PLEK: variants seen among roughly 807,000 people sequenced by gnomAD.
PLEK encodes pleckstrin.
PLEK carries 25 observed loss-of-function variants against 43.9 expected under a neutral mutation model. The observed-to-expected ratio is 0.57, with a 90% CI of 0.41 to 0.79. The LOEUF is 0.79. PLEK is among the 30% of genes least tolerant of loss of function. PLEK has a pLI of 0.00. For synonymous variants in PLEK, 152 were observed against 144.4 expected, an observed-to-expected ratio of 1.05 and a Z score of -0.38; for missense variants, 396 against 413.3, an observed-to-expected ratio of 0.96 and a Z score of 0.36.
At chr2:68,393,548 A>G (rs1195562624) in intron 7 of PLEK, among the ~76,000 whole-genome samples, 2 of 152,222 alleles carry the variant, frequency 1.3e-5, no homozygotes, top group Non-Finnish European at 2.9e-5. Flanking sequence ...AAATCAGTCC[A>G]TGGTTTAATA....
chr2:68,386,807 A>G (rs1260068885), intron 5 of PLEK, 121 bp downstream of exon 5: 2 of 696,960 alleles, frequency 2.9e-6, no homozygotes, highest in East Asian at 5.0e-5. Context: ...GAGGTCAGCC[A>G]GGAAGAACAA....
intron 1 of PLEK, among the ~76,000 whole-genome samples, chr2:68,374,268 A>C (rs4233945): frequency 0.52 from 79,428 of 151,320 alleles, 22,312 homozygotes; most frequent in East Asian, 0.76. Flanking sequence ...TAATAAAATG[A>C]CCTTATCTAA....
At chr2:68,371,238 C>T (rs1259909797) in intron 1 of PLEK, among the ~76,000 whole-genome samples, 2 of 152,188 alleles carry the variant, frequency 1.3e-5, no homozygotes, top group South Asian at 2.1e-4. Context: ...TACATTTTCT[C>T]CCTTAAGTTA....
intron 5 of PLEK, among the ~76,000 whole-genome samples, chr2:68,387,074 C>T (rs557388809): frequency 1.3e-5 from 2 of 152,108 alleles, no homozygotes; most frequent in South Asian, 2.1e-4. Context: ...GGTGTCATCT[C>T]GGCTCACTGC....
At chr2:68,383,973 G>A (rs978933393) in intron 4 of PLEK, among the ~76,000 whole-genome samples, 1 of 152,156 alleles carries the variant, frequency 6.6e-6, no homozygotes, top group South Asian at 2.1e-4. Context: ...GGTGGTATGA[G>A]AAAGTGACAA....
At position 68,380,775 on chromosome 2, in the gene PLEK, C is replaced by A; in HGVS notation, c.251C>A (p.Ala84Asp). The A allele has an allele frequency of 6.2e-7, 1 of 1,613,862 alleles. No homozygotes were observed. The highest frequency in any genetic ancestry group is 8.5e-7 in the Non-Finnish European group (1 of 1,179,756). The change falls in exon 3 of 9, where the codon GCC becomes GAC. Residue 84 changes from alanine (A) to aspartate (D), a missense_variant. Ala to Asp is a moderately radical substitution (Grantham distance 126, BLOSUM62 -2). Transcript: ENST00000234313. ...TKQQDHFFQA[A>D]FLEERDAWVR... Reference sequence around the variant, plus strand: ...CAGCAGGACCACTTCTTCCAGGCAGCCTTCCTGGAGGAGAGAGATGCCTGG... The same window carrying A: ...CAGCAGGACCACTTCTTCCAGGCAGACTTCCTGGAGGAGAGAGATGCCTGG...
chr2:68,384,494 T>A (rs760967197), intron 4 of PLEK, among the ~76,000 whole-genome samples: 16 of 152,142 alleles, frequency 1.1e-4, no homozygotes, highest in Non-Finnish European at 2.1e-4. Flanking sequence ...CAAAGTGGCC[T>A]GTAATCCCTA....
Position 68,392,955 on chromosome 2 carries a change from T to A in PLEK, c.763-207T>A, listed in dbSNP as rs79403013. 4.3e-3 allele frequency among the ~76,000 whole-genome samples: 656 copies of A among 152,334 alleles called. 7 individuals are homozygous for A. Among genetic ancestry groups the A allele is most frequent in the African/African-American group, 0.014 (590 of 41,576 alleles). ...AATTAGAAATAATTTAATCCACCTC[T>A]TCGATCTAATAACATCCATATTATT... On this transcript the variant is annotated intron_variant, in intron 6 of 8. Transcript: ENST00000234313.
At chr2:68,371,907 G>T (rs1673415972) in intron 1 of PLEK, among the ~76,000 whole-genome samples, 1 of 152,186 alleles carries the variant, frequency 6.6e-6, no homozygotes, top group African/African-American at 2.4e-5. Flanking sequence ...AAAGAGAAAG[G>T]CTGTATCTTA....
At chr2:68,394,969 A>G (rs1322155812) in intron 8 of PLEK, among the ~76,000 whole-genome samples, 1 of 151,668 alleles carries the variant, frequency 6.6e-6, no homozygotes, top group Non-Finnish European at 1.5e-5. Context: ...GCCCACCTCC[A>G]CTCCCACCAC....
In PLEK at chr2:68,380,422, G is replaced by C. The variant is rs780683282; in HGVS notation, c.137G>C (p.Gly46Ala). The C allele has an allele frequency of 5.0e-6, 8 of 1,613,918 alleles. No homozygotes were observed. The highest frequency in any genetic ancestry group is 5.9e-6 in the Non-Finnish European group (7 of 1,179,812). Residue 46 changes from glycine (G) to alanine (A), a missense_variant, in exon 2 of 9, where the codon GGA becomes GCA. Transcript: ENST00000234313. ...YKKKSDNSPKGMIPLKGSTLT... is the reference protein window; with the variant it reads ...YKKKSDNSPKAMIPLKGSTLT... ...AAGAAAAGTGACAACAGCCCCAAAG[G>C]AATGATCCCGCTGAAAGGGAGCACT... is the stretch of plus-strand genomic sequence containing the variant.
chr2:68,380,735 A>T lies in PLEK; in HGVS notation c.211A>T (p.Ile71Phe). The change falls in exon 3 of 9, where the codon ATC becomes TTC. Residue 71 changes from isoleucine to phenylalanine, a missense_variant. By Grantham distance (21) the Ile-to-Phe change is conservative (BLOSUM62 0). Coordinates refer to ENST00000234313, the MANE Select transcript of PLEK (RefSeq NM_002664.3). ...DFGKRMFVFK[I>F]TTTKQQDHFF... is the part of the protein sequence containing the mutation. ...TTTTGATTTTCAGTTTGTGTTTAAG[A>T]TCACTACGACCAAACAGCAGGACCA... 6.2e-7 allele frequency: 1 copy of T among 1,613,436 alleles called. No individual in the cohort carries two copies. Among genetic ancestry groups the T allele is most frequent in the Non-Finnish European group, 8.5e-7 (1 of 1,179,752 alleles).
intron 4 of PLEK, among the ~76,000 whole-genome samples, chr2:68,385,270 A>T (rs963485814): frequency 2.0e-5 from 3 of 152,174 alleles, no homozygotes; most frequent in Non-Finnish European, 4.4e-5. Context: ...AAGAACAAAC[A>T]TGCTGTTTTT....
chr2:68,372,779 A>G (rs1161552894), intron 1 of PLEK, among the ~76,000 whole-genome samples: 2 of 152,152 alleles, frequency 1.3e-5, no homozygotes, highest in Non-Finnish European at 2.9e-5. Context: ...GAAGTGAAAT[A>G]GCTAGCTAAG....
rs115268769 is a variant in PLEK at position 68,379,202 on chromosome 2, A to G, written c.43-1126A>G. Among the ~76,000 whole-genome samples, 251 of 152,318 alleles carry G rather than the reference A, an allele frequency of 1.6e-3. 1 individual carries two copies. The highest frequency in any genetic ancestry group is 5.9e-3 in the African/African-American group (245 of 41,576). ...AGAGAGTGCTTGAGCTAGATCATCT[A>G]AGATTCAGCCAACCATCTCAGCAGT... On this transcript the variant is annotated intron_variant, in intron 1 of 8. Transcript: ENST00000234313.
At chr2:68,392,759 C>T (rs756741052) in intron 6 of PLEK, among the ~76,000 whole-genome samples, 2 of 152,182 alleles carry the variant, frequency 1.3e-5, no homozygotes, top group East Asian at 1.9e-4. Context: ...CTTTGGAATC[C>T]ATTATCTATA....
chr2:68,389,533 A>G (rs557598629), intron 6 of PLEK, among the ~76,000 whole-genome samples: 1 of 152,310 alleles, frequency 6.6e-6, no homozygotes, highest in Admixed American at 6.5e-5. Flanking sequence ...TTACATTTAT[A>G]AAGAGGGACT....
At chr2:68,393,997 T>TG in intron 7 of PLEK, 110 bp from the exon 8 acceptor site, 2 of 728,378 alleles carry the variant, frequency 2.7e-6, no homozygotes, top group Non-Finnish European at 2.5e-6. Flanking sequence ...TTACTTATTT[T>TG]GGGGGGCCCT....
chr2:68,396,050 G>A lies in PLEK; in HGVS notation c.*234G>A. On this transcript the variant is annotated 3_prime_UTR_variant, in exon 9 of 9. Coordinates refer to ENST00000234313, the MANE Select transcript of PLEK (RefSeq NM_002664.3). ...GACCCCCAAGCAGATATAACAAGCTGTGCAGCCTCAGTAGGCTGCTTGCCC... is the reference window on the plus strand; with the variant it reads ...GACCCCCAAGCAGATATAACAAGCTATGCAGCCTCAGTAGGCTGCTTGCCC... 2 of 463,952 alleles carry A rather than the reference G, an allele frequency of 4.3e-6. No individual in the cohort carries two copies. The highest frequency in any genetic ancestry group is 5.7e-4 in the Middle Eastern group (1 of 1,750). 28.7% of individuals were successfully genotyped at this position (463,952 alleles called of 1,614,324 possible).
Sources: allele counts gnomAD v4.1 joint callset (sites outside exome capture counted in the v4.1 genomes callset), GRCh38; gene constraint gnomAD v4.1.1; transcripts MANE v1.5; gene names NCBI Gene and HGNC (gene_info 2026-07-23, HGNC 2026-07-21).